The following VOPP1 variants were observed in gnomAD, a reference collection of about 807,000 sequenced individuals.
VOPP1 encodes the protein WW domain binding protein VOPP1.
Under a neutral mutation model 23.5 loss-of-function variants are expected in VOPP1, and 8 were observed. The ratio of observed to expected loss-of-function variants is 0.34; its 90% confidence interval spans 0.20 to 0.61. The LOEUF (loss-of-function observed/expected upper bound fraction) is 0.61, where lower values mean the gene tolerates loss of function less well. VOPP1 is among the 20% of genes least tolerant of loss of function. The pLI is 0.78. For missense variants in VOPP1, 174 were observed against 238.1 expected (o/e 0.73, Z 1.77); for synonymous variants, 83 against 97.3 (o/e 0.85, Z 0.86).
intron 4 of VOPP1, among the ~76,000 whole-genome samples, chr7:55,474,035 C>T (rs1792045871): frequency 6.6e-6 from 1 of 152,238 alleles, no homozygotes; most frequent in Non-Finnish European, 1.5e-5. Flanking sequence ...GGAATCTGCG[C>T]ATGTGCGGAA....
intron 4 of VOPP1, among the ~76,000 whole-genome samples, chr7:55,480,642 T>C (rs914825660): frequency 3.3e-5 from 5 of 152,378 alleles, no homozygotes; most frequent in African/African-American, 1.2e-4. Context: ...ACTTTATTAA[T>C]TTCTGAGCCT....
At chr7:55,515,308 T>A (rs886493903) in intron 2 of VOPP1, among the ~76,000 whole-genome samples, 1 of 152,140 alleles carries the variant, frequency 6.6e-6, no homozygotes, top group African/African-American at 2.4e-5. Flanking sequence ...AGGTAACCTC[T>A]GGCAGATATC....
chr7:55,444,728 T>TA (rs1554390372), intron 4 of VOPP1, among the ~76,000 whole-genome samples: 177 of 151,920 alleles, frequency 1.2e-3, no homozygotes, highest in African/African-American at 4.0e-3. Context: ...TTTTTTTTTT[T>TA]AAATCTAAAC....
intron 4 of VOPP1, among the ~76,000 whole-genome samples, chr7:55,442,465 G>A (rs1790989918): frequency 2.6e-5 from 4 of 152,092 alleles, no homozygotes; most frequent in Non-Finnish European, 5.9e-5. Context: ...GTGTCTTATA[G>A]CCTGTTCAAA....
chr7:55,437,259 G>T (rs569692960), intron 4 of VOPP1, among the ~76,000 whole-genome samples: 2 of 152,284 alleles, frequency 1.3e-5, no homozygotes, highest in South Asian at 4.1e-4. Flanking sequence ...CACGGAGGCC[G>T]CCTCGTAGCT....
chr7:55,517,687 C>T (rs1279544709), intron 2 of VOPP1, among the ~76,000 whole-genome samples: 3 of 152,148 alleles, frequency 2.0e-5, no homozygotes, highest in Non-Finnish European at 4.4e-5. Flanking sequence ...GGCAGCTGTG[C>T]CTCCTGCAGG....
intron 4 of VOPP1, among the ~76,000 whole-genome samples, chr7:55,474,973 C>T (rs538393038): frequency 6.6e-6 from 1 of 152,314 alleles, no homozygotes; most frequent in East Asian, 1.9e-4. Flanking sequence ...GAAATAAGCA[C>T]GGCTGTAGCC....
At chr7:55,455,712 C>G (rs1179743033) in intron 4 of VOPP1, among the ~76,000 whole-genome samples, 3 of 152,208 alleles carry the variant, frequency 2.0e-5, no homozygotes, top group Non-Finnish European at 2.9e-5. Flanking sequence ...AAAGGATTCC[C>G]TATTTAATAA....
intron 1 of VOPP1, among the ~76,000 whole-genome samples, chr7:55,525,814 A>C (rs1396449960): frequency 2.1e-5 from 3 of 141,792 alleles, no homozygotes; most frequent in Non-Finnish European, 4.6e-5. Flanking sequence ...AAAAAAAAAA[A>C]AACCTTAAAA....
At chr7:55,560,760 C>T (rs1797958630) in intron 1 of VOPP1, among the ~76,000 whole-genome samples, 2 of 152,130 alleles carry the variant, frequency 1.3e-5, no homozygotes, top group Non-Finnish European at 2.9e-5. Context: ...AGTAGCCTCA[C>T]TCTCCCTTCT....
At chr7:55,536,978 G>A (rs1290088547) in intron 1 of VOPP1, among the ~76,000 whole-genome samples, 2 of 152,174 alleles carry the variant, frequency 1.3e-5, no homozygotes, top group Non-Finnish European at 2.9e-5. Context: ...GGGCCTCCCT[G>A]GCCACAAAAC....
chr7:55,476,751 A>G (rs1463590369), intron 4 of VOPP1, among the ~76,000 whole-genome samples: 1 of 152,054 alleles, frequency 6.6e-6, no homozygotes, highest in Non-Finnish European at 1.5e-5. Flanking sequence ...CATGGGCAGG[A>G]GCCTCAACAC....
At chr7:55,566,935 A>G (rs1281009305) in intron 1 of VOPP1, among the ~76,000 whole-genome samples, 3 of 152,228 alleles carry the variant, frequency 2.0e-5, no homozygotes, top group South Asian at 4.1e-4. Flanking sequence ...TGTCATTGTG[A>G]TATTTCTGAA....
intron 4 of VOPP1, among the ~76,000 whole-genome samples, chr7:55,464,563 C>G (rs1185763297): frequency 6.6e-6 from 1 of 152,180 alleles, no homozygotes; most frequent in Non-Finnish European, 1.5e-5. Context: ...TCCCTTTGTT[C>G]TGGTGACTGC....
At chr7:55,552,872 C>A (rs767318638) in intron 1 of VOPP1, 74 of 1,367,532 alleles carry the variant, frequency 5.4e-5, no homozygotes, top group Non-Finnish European at 7.0e-5. Flanking sequence ...ACAGGATTTC[C>A]TCCTAGACTA....
At chr7:55,488,975 C>T (rs547638693) in intron 4 of VOPP1, among the ~76,000 whole-genome samples, 3 of 152,254 alleles carry the variant, frequency 2.0e-5, no homozygotes, top group Non-Finnish European at 2.9e-5. Flanking sequence ...CCTCTCAGTC[C>T]CCACGCCCCC....
intron 4 of VOPP1, among the ~76,000 whole-genome samples, chr7:55,439,283 G>C (rs1790907044): frequency 6.6e-6 from 1 of 152,072 alleles, no homozygotes; most frequent in Non-Finnish European, 1.5e-5. Flanking sequence ...ACAAGAGTCT[G>C]TTTCCCTGGA....
At chr7:55,559,470 G>A (rs2129055788) in intron 1 of VOPP1, among the ~76,000 whole-genome samples, 1 of 152,296 alleles carries the variant, frequency 6.6e-6, no homozygotes, top group South Asian at 2.1e-4. Context: ...GCTGACCAGG[G>A]CCCAGATGTC....
intron 3 of VOPP1, among the ~76,000 whole-genome samples, chr7:55,494,383 C>T (rs1793798437): frequency 6.6e-6 from 1 of 152,142 alleles, no homozygotes; most frequent in Admixed American, 6.5e-5. Context: ...ACCAGGCTCG[C>T]TGGATTGAAA....
Sources: gnomAD v4.1 joint callset for allele counts (sites outside exome capture counted in the v4.1 genomes callset) on GRCh38, gnomAD v4.1.1 for gene constraint, MANE v1.5 for transcripts, NCBI Gene and HGNC (gene_info 2026-07-23, HGNC 2026-07-21) for gene names.